HPGD: variants seen among roughly 807,000 people sequenced by gnomAD.
The protein encoded by HPGD is 15-hydroxyprostaglandin dehydrogenase [NAD(+)].
A neutral mutation model predicts 30.0 loss-of-function variants in HPGD; 29 were observed. That is an observed-to-expected ratio of 0.97 (90% CI 0.72 to 1.32). HPGD has a LOEUF of 1.32. Among genes scored for constraint, HPGD ranks in the 40% most tolerant of loss-of-function variants. The pLI is 0.00. For synonymous variants in HPGD, 99 were observed against 112.4 expected (o/e 0.88, Z 0.75); for missense variants, 340 against 322.1 (o/e 1.06, Z -0.43).
At chr4:174,495,319 C>T in intron 5 of HPGD, 1 of 559,636 alleles carries the variant, frequency 1.8e-6, no homozygotes, top group Admixed American at 3.0e-5. Context: ...ATCCTTAATA[C>T]ATTTTTTTTA....
intron 3 of HPGD, among the ~76,000 whole-genome samples, chr4:174,510,462 T>C (rs45585340): frequency 0.015 from 2,213 of 152,378 alleles, 53 homozygotes; most frequent in African/African-American, 0.049. Flanking sequence ...TTCATGCGTA[T>C]TGGCACTACG....
intron 4 of HPGD, among the ~76,000 whole-genome samples, chr4:174,497,568 C>CCTTTTTTTTT (rs1560976894): frequency 3.9e-5 from 2 of 51,114 alleles, no homozygotes; most frequent in African/African-American, 6.7e-5. Flanking sequence ...CTTTTTCTTT[C>CCTTTTTTTTT]TTTTTTTTTT....
At position 174,493,161 on chromosome 4, in the gene HPGD, C is replaced by T. The variant is rs758873509; in HGVS notation, c.652G>A (p.Gly218Arg). ...CATAGTTTTACTTACTCCAAAATTC[C>T]ATAGTATTTAATCATATCCTTGATA... ...DHIKDMIKYY[G>R]ILDPPLIANG... Residue 218 changes from glycine (G) to arginine (R), a missense_variant, in exon 6 of 7, where the codon GGA becomes AGA. By Grantham distance (125) the Gly-to-Arg change is moderately radical. Coordinates refer to ENST00000296522, the MANE Select transcript of HPGD (RefSeq NM_000860.6). 3 of 1,592,254 alleles carry T rather than the reference C, an allele frequency of 1.9e-6. No individual in the cohort carries two copies. Among genetic ancestry groups the T allele is most frequent in the Non-Finnish European group, 2.6e-6 (3 of 1,163,258 alleles).
At chr4:174,513,542 G>A (rs1278375688) in intron 3 of HPGD, among the ~76,000 whole-genome samples, 2 of 151,048 alleles carry the variant, frequency 1.3e-5, no homozygotes, top group Non-Finnish European at 3.0e-5. Context: ...AAAACAAAAA[G>A]AAAACAGTAA....
At chr4:174,516,947 T>C (rs943449681) in intron 3 of HPGD, among the ~76,000 whole-genome samples, 1 of 152,186 alleles carries the variant, frequency 6.6e-6, no homozygotes, top group Non-Finnish European at 1.5e-5. Flanking sequence ...TTCTTGTTTT[T>C]ATGGAGTTTA....
At position 174,493,232 on chromosome 4, in the gene HPGD, A is replaced by G. The variant is rs371158908; in HGVS notation, c.581T>C (p.Ile194Thr). Residue 194 changes from isoleucine to threonine, a missense_variant, in exon 6 of 7, where the codon ATT (isoleucine) becomes ACT (threonine). Transcript: ENST00000296522. ...TTGTCCCATGTTTTCTTCTTTTTCA[A>G]TTGATTCAAGGATGGCTGTGTTAAC... ...GFVNTAILES[I>T]EKEENMGQYI... 2.2e-5 allele frequency: 35 copies of G among 1,612,362 alleles called. No homozygotes were observed. The highest frequency in any genetic ancestry group is 3.3e-4 in the Middle Eastern group (2 of 6,078).
rs931564074 is a variant in HPGD at position 174,492,639 on chromosome 4, T to C, written c.662+512A>G. 1.3e-5 allele frequency among the ~76,000 whole-genome samples: 2 copies of C among 152,080 alleles called. No individual in the cohort carries two copies. The highest frequency in any genetic ancestry group is 2.9e-5 in the Non-Finnish European group (2 of 67,948). On this transcript the variant is annotated intron_variant, in intron 6 of 6. Transcript: ENST00000296522. The surrounding 1 kb of genome is among the most constrained non-coding windows in gnomAD (Gnocchi z 4.9). ...TTGAAGCATCTAGAGGTATGATGGG[T>C]AAGTTCATGGTTAGTGGTAGAGCCA...
intron 4 of HPGD, among the ~76,000 whole-genome samples, chr4:174,502,224 A>G (rs1734937781): frequency 6.6e-6 from 1 of 152,200 alleles, no homozygotes; most frequent in Non-Finnish European, 1.5e-5. Flanking sequence ...CTAGCAAGAA[A>G]TATTTATCTA....
At chr4:174,522,126 C>A (rs561368724) in intron 1 of HPGD, 59 bp from the exon 2 acceptor site, 3 of 1,612,272 alleles carry the variant, frequency 1.9e-6, no homozygotes, top group East Asian at 2.2e-5. Context: ...GACGGACAAA[C>A]AATAAACACA....
chr4:174,519,387 G>GTATTTTTAGTAGAGACGGGGTTT (rs1239400811), intron 2 of HPGD, among the ~76,000 whole-genome samples: 1 of 151,924 alleles, frequency 6.6e-6, no homozygotes. Context: ...CTAATTTTTT[G>GTATTTTTAGTAGAGACGGGGTTT]TATTTTTAGT....
chr4:174,506,907 T>C (rs1735218787), intron 4 of HPGD: 1 of 152,212 alleles, frequency 6.6e-6, no homozygotes, highest in African/African-American at 2.4e-5. Context: ...GGGCTCCTTG[T>C]AGAATATTCA....
chr4:174,502,800 T>C (rs145107491), intron 4 of HPGD, among the ~76,000 whole-genome samples: 6 of 152,240 alleles, frequency 3.9e-5, no homozygotes, highest in Admixed American at 1.3e-4. Flanking sequence ...TTGCTACTAG[T>C]GTTCAGTCAT....
intron 4 of HPGD, among the ~76,000 whole-genome samples, chr4:174,500,961 G>C (rs977619600): frequency 6.6e-6 from 1 of 152,090 alleles, no homozygotes; most frequent in Non-Finnish European, 1.5e-5. Context: ...GCACTAAAAT[G>C]CCACAAATCT....
Position 174,496,651 on chromosome 4 carries a change from A to G in HPGD, c.422-1027T>C, listed in dbSNP as rs377003278. Among the ~76,000 whole-genome samples the G allele has an allele frequency of 1.3e-5, 2 of 152,210 alleles. No homozygotes were observed. The highest frequency in any genetic ancestry group is 4.1e-4 in the South Asian group (2 of 4,834). The stretch of plus-strand genomic sequence containing the variant: ...AGTAACAGTGATCCCTGATTATTAT[A>G]CTATATTTAATATCAAATGTCATGC... On this transcript the variant is annotated intron_variant, in intron 4 of 6. Transcript: ENST00000296522. The surrounding 1 kb of genome is among the most constrained non-coding windows in gnomAD (Gnocchi z 4.6).
intron 4 of HPGD, among the ~76,000 whole-genome samples, chr4:174,497,006 G>A (rs529216461): frequency 2.0e-5 from 3 of 152,324 alleles, no homozygotes; most frequent in Admixed American, 6.5e-5. Context: ...AAGAATTTAT[G>A]ATGTTTCCAC....
intron 3 of HPGD, among the ~76,000 whole-genome samples, chr4:174,515,019 T>A (rs2110859980): frequency 6.6e-6 from 1 of 152,176 alleles, no homozygotes; most frequent in East Asian, 1.9e-4. Flanking sequence ...ATCAGAGATG[T>A]CATTATTAAA....
chr4:174,495,433 G>T, intron 5 of HPGD, 115 bp downstream of exon 5: 1 of 787,836 alleles, frequency 1.3e-6, no homozygotes, highest in Admixed American at 1.9e-5. Flanking sequence ...ATGGAGGTAT[G>T]TCATTTTTCC....
chr4:174,492,537 C>G lies in HPGD; in HGVS notation c.663-443G>C, dbSNP rs2110766124. On this transcript the variant is annotated intron_variant, in intron 6 of 6. Coordinates refer to ENST00000296522, the MANE Select transcript of HPGD (RefSeq NM_000860.6). This position sits in a 1 kb window ranked among gnomAD's most constrained non-coding sequence, Gnocchi z 4.9. ...TTTTACCAGTTACCATTTTAAGTACCTTGTATGTATCATTTTATTTAAGTT... is the reference window on the plus strand; with the variant it reads ...TTTTACCAGTTACCATTTTAAGTACGTTGTATGTATCATTTTATTTAAGTT... Among the ~76,000 whole-genome samples, 1 of 151,880 alleles carries G rather than the reference C, an allele frequency of 6.6e-6. No homozygotes were observed. The highest frequency in any genetic ancestry group is 3.4e-3 in the Middle Eastern group (1 of 294).
chr4:174,500,937 A>G (rs1734871019), intron 4 of HPGD, among the ~76,000 whole-genome samples: 2 of 152,314 alleles, frequency 1.3e-5, no homozygotes, highest in South Asian at 4.1e-4. Flanking sequence ...CTTTTTAATG[A>G]AAATGTATCT....
Sources: gnomAD v4.1 joint callset for allele counts (sites outside exome capture counted in the v4.1 genomes callset) on GRCh38, gnomAD v4.1.1 for gene constraint, Gnocchi (gnomAD v3.1) non-coding constraint, MANE v1.5 for transcripts, NCBI Gene and HGNC (gene_info 2026-07-23, HGNC 2026-07-21) for gene names.